FAM178B: variants seen among roughly 807,000 people sequenced by gnomAD.
FAM178B encodes protein FAM178B.
A neutral mutation model predicts 91.7 loss-of-function variants in FAM178B; 82 were observed. The observed-to-expected ratio is 0.89, with a 90% CI of 0.75 to 1.07. The LOEUF is 1.07. Among genes scored for constraint, FAM178B ranks in the 50% least tolerant of loss-of-function variants. The probability of loss-of-function intolerance (pLI) is 0.00; values close to 1 mark genes in which losing one functional copy is unlikely to be tolerated. For missense variants in FAM178B, 769 were observed against 846.7 expected (o/e 0.91, Z 1.14); for synonymous variants, 368 against 359.4 (o/e 1.02, Z -0.27).
intron 5 of FAM178B, 76 bp downstream of exon 5, chr2:96,967,444 C>A (rs1474332861): frequency 1.1e-6 from 1 of 870,884 alleles, no homozygotes; most frequent in Non-Finnish European, 1.8e-6. Context: ...TTGGTCAAAA[C>A]TCTGTCCAAA....
At chr2:96,970,526 T>C (rs182309139) in intron 4 of FAM178B, among the ~76,000 whole-genome samples, 190 bp downstream of exon 4, 19 of 152,170 alleles carry the variant, frequency 1.2e-4, no homozygotes, top group Non-Finnish European at 1.3e-4. Context: ...GGTGGGAGTC[T>C]GGGGGCTCTC....
chr2:96,923,571 G>A lies in FAM178B; in HGVS notation c.1206C>T (p.Gly402=), dbSNP rs1258782619. ...CCTCATTCTCATTCAGGCCAGCCTC[G>A]CCTGGAAGCACCCTGTGGTAAGACA... ...PFWHGGRVLP[G]EAGLNENEEQ... The change falls in exon 10 of 17, where the codon GGC becomes GGT. Residue 402 remains glycine, a synonymous_variant. Transcript: ENST00000490605. 16 of 1,551,404 alleles carry A rather than the reference G, an allele frequency of 1.0e-5. No homozygotes were observed. Among genetic ancestry groups the A allele is most frequent in the Admixed American group, 5.9e-5 (3 of 50,976 alleles).
intron 14 of FAM178B, among the ~76,000 whole-genome samples, chr2:96,885,667 G>A (rs1473024264): frequency 3.9e-5 from 6 of 152,196 alleles, no homozygotes; most frequent in African/African-American, 1.2e-4. Context: ...GGAGGGCGGA[G>A]GGCTCCCACC....
intron 1 of FAM178B, among the ~76,000 whole-genome samples, chr2:96,979,531 G>C (rs1030783154): frequency 2.6e-5 from 4 of 152,098 alleles, no homozygotes; most frequent in African/African-American, 7.2e-5. Flanking sequence ...CCAATCATCT[G>C]TTGATGGACA....
chr2:96,950,039 G>C, intron 7 of FAM178B: 1 of 985,822 alleles, frequency 1.0e-6, no homozygotes, highest in Non-Finnish European at 1.2e-6. Context: ...CAGCATGATG[G>C]AGACGGGGAA....
At chr2:96,923,320 C>T (rs535177037) in intron 10 of FAM178B, among the ~76,000 whole-genome samples, 170 bp downstream of exon 10, 33 of 152,334 alleles carry the variant, frequency 2.2e-4, no homozygotes, top group African/African-American at 7.2e-4. Context: ...TAGATCAGGA[C>T]CCGTGTCCGA....
chr2:96,966,024 C>A (rs541669395), intron 5 of FAM178B, among the ~76,000 whole-genome samples: 1 of 152,196 alleles, frequency 6.6e-6, no homozygotes, highest in Non-Finnish European at 1.5e-5. Flanking sequence ...GGCCTCCACA[C>A]CTAACTGGTC....
chr2:96,930,150 T>C (rs1198792378), intron 8 of FAM178B, among the ~76,000 whole-genome samples: 4 of 127,738 alleles, frequency 3.1e-5, no homozygotes, highest in African/African-American at 1.2e-4. Context: ...TGAGCTGACA[T>C]AGAGCCACTG....
intron 1 of FAM178B, among the ~76,000 whole-genome samples, chr2:96,985,317 T>C (rs554938683): frequency 6.6e-6 from 1 of 152,186 alleles, no homozygotes; most frequent in Non-Finnish European, 1.5e-5. Context: ...GTTCAGCTCC[T>C]TGACTTGGCC....
chr2:96,924,187 G>A (rs557130854), intron 9 of FAM178B, among the ~76,000 whole-genome samples: 26 of 152,280 alleles, frequency 1.7e-4, no homozygotes, highest in Non-Finnish European at 2.5e-4. Flanking sequence ...TCCAGGACTT[G>A]GAAACCAGAA....
intron 12 of FAM178B, among the ~76,000 whole-genome samples, chr2:96,917,154 C>A (rs2081254658): frequency 6.6e-6 from 1 of 152,100 alleles, no homozygotes; most frequent in Non-Finnish European, 1.5e-5. Flanking sequence ...GGCTCTGGCT[C>A]AGGGGAAGAA....
intron 1 of FAM178B, among the ~76,000 whole-genome samples, chr2:96,979,134 G>A (rs897344029): frequency 4.7e-5 from 7 of 150,136 alleles, no homozygotes; most frequent in Admixed American, 2.0e-4. Context: ...ACACCACCAT[G>A]CCTGGCTAAT....
intron 12 of FAM178B, among the ~76,000 whole-genome samples, chr2:96,918,925 G>A (rs1461878520): frequency 6.6e-6 from 1 of 152,170 alleles, no homozygotes; most frequent in Non-Finnish European, 1.5e-5. Context: ...ACCAGTGCAT[G>A]CAGCCCCCAG....
At chr2:96,953,758 G>A (rs2081961569) in intron 6 of FAM178B, among the ~76,000 whole-genome samples, 1 of 152,200 alleles carries the variant, frequency 6.6e-6, no homozygotes, top group Non-Finnish European at 1.5e-5. Flanking sequence ...ATGCTCGGTG[G>A]GACGGGAGTG....
chr2:96,952,818 C>T (rs1003021033), intron 6 of FAM178B, among the ~76,000 whole-genome samples: 8 of 152,082 alleles, frequency 5.3e-5, no homozygotes, highest in African/African-American at 1.4e-4. Context: ...GAAATGAAAA[C>T]GTAAGTCACA....
chr2:96,949,511 C>T (rs1458207803), intron 7 of FAM178B, among the ~76,000 whole-genome samples: 1 of 152,182 alleles, frequency 6.6e-6, no homozygotes, highest in Non-Finnish European at 1.5e-5. Context: ...CCTTCCCCAT[C>T]CCTGGGTCCA....
chr2:96,902,714 G>C lies in FAM178B; in HGVS notation c.1563-7C>G. The C allele has an allele frequency of 6.5e-7, 1 of 1,548,100 alleles. No individual in the cohort carries two copies. Among genetic ancestry groups the C allele is most frequent in the Non-Finnish European group, 8.7e-7 (1 of 1,144,392 alleles). On this transcript the variant is annotated splice_polypyrimidine_tract_variant and splice_region_variant and intron_variant, in intron 12 of 16. Transcript: ENST00000490605. Reference sequence around the variant, plus strand: ...GAGCTGGCTTCGAAGCCGCCTGGGGGAAAAGCGACAGCCTGAGAGAGGGTG... The same window carrying C: ...GAGCTGGCTTCGAAGCCGCCTGGGGCAAAAGCGACAGCCTGAGAGAGGGTG...
chr2:96,955,942 A>C (rs1574299439), intron 6 of FAM178B, among the ~76,000 whole-genome samples: 1 of 151,754 alleles, frequency 6.6e-6, no homozygotes, highest in African/African-American at 2.4e-5. Context: ...AGCCTCATCC[A>C]CCTCCTTCTT....
intron 1 of FAM178B, among the ~76,000 whole-genome samples, chr2:96,977,194 CA>C (rs70964891): frequency 0.4 from 15,270 of 38,544 alleles, 1,605 homozygotes; most frequent in Non-Finnish European, 0.5. Flanking sequence ...GACTCTGTCT[CA>C]AAAAAAAAAA....
Sources: allele counts gnomAD v4.1 joint callset (sites outside exome capture counted in the v4.1 genomes callset), GRCh38; gene constraint gnomAD v4.1.1; transcripts MANE v1.5; gene names NCBI Gene and HGNC (gene_info 2026-07-23, HGNC 2026-07-21).